The following SCHIP1 variants were observed in gnomAD, a reference collection of about 807,000 sequenced individuals.
SCHIP1 encodes the protein schwannomin interacting protein 1, also known as schwannomin-interacting protein 1.
A neutral mutation model predicts 29.7 loss-of-function variants in SCHIP1; 8 were observed. The observed-to-expected ratio is 0.27, with a 90% CI of 0.16 to 0.49. The LOEUF (loss-of-function observed/expected upper bound fraction) is 0.49. Among genes scored for constraint, SCHIP1 ranks in the 20% least tolerant of loss-of-function variants. SCHIP1 has a pLI of 0.99. For synonymous variants in SCHIP1, 76 were observed against 94.9 expected (o/e 0.80, Z 1.16); for missense variants, 193 against 294.6 (o/e 0.66, Z 2.52).
chr3:159,300,113 CTTTTTTTTT>C, the SCHIP1 span, among the ~76,000 whole-genome samples: 35 of 45,376 alleles, frequency 7.7e-4, 2 homozygotes, highest in Admixed American at 9.2e-4. Flanking sequence ...GGGAAAGCTG[CTTTTTTTTT>C]TTTTTTTTTT....
At chr3:159,786,296 A>G in the SCHIP1 span, among the ~76,000 whole-genome samples, 1 of 152,336 alleles carries the variant, frequency 6.6e-6, no homozygotes, top group South Asian at 2.1e-4. Flanking sequence ...GTTTTAATAG[A>G]CATTTCCTAA....
chr3:159,680,819 A>G, the SCHIP1 span, among the ~76,000 whole-genome samples: 1 of 138,748 alleles, frequency 7.2e-6, no homozygotes, highest in East Asian at 2.0e-4. Context: ...TTTTACCCAA[A>G]ATAGCATGAA....
the SCHIP1 span, among the ~76,000 whole-genome samples, chr3:159,475,605 G>A: frequency 1.2e-3 from 187 of 152,230 alleles, no homozygotes; most frequent in African/African-American, 4.4e-3. Context: ...TAAAAGTAAA[G>A]GCTTGGTGTG....
the SCHIP1 span, among the ~76,000 whole-genome samples, chr3:159,426,859 G>C: frequency 6.6e-6 from 1 of 152,154 alleles, no homozygotes. Context: ...TTTCATCTCT[G>C]GGATGCAAGG....
the SCHIP1 span, among the ~76,000 whole-genome samples, chr3:159,782,927 A>G: frequency 2.6e-5 from 4 of 152,228 alleles, no homozygotes; most frequent in African/African-American, 4.8e-5. Context: ...CTGAAATCAC[A>G]TCTAGCGATA....
chr3:159,569,989 A>G, the SCHIP1 span, among the ~76,000 whole-genome samples: 1 of 152,114 alleles, frequency 6.6e-6, no homozygotes, highest in Admixed American at 6.5e-5. Context: ...GTCTGTTCAT[A>G]TCCTTCGCCG....
the SCHIP1 span, among the ~76,000 whole-genome samples, chr3:159,605,972 G>A: frequency 3.4e-4 from 52 of 152,236 alleles, 2 homozygotes; most frequent in African/African-American, 1.2e-3. Flanking sequence ...GGACTCTGCG[G>A]CAGAAATCTT....
chr3:159,330,915 G>C, the SCHIP1 span, among the ~76,000 whole-genome samples: 7 of 152,016 alleles, frequency 4.6e-5, no homozygotes, highest in African/African-American at 1.7e-4. Context: ...AGGTGAGCTC[G>C]TTCCCTCCTT....
chr3:159,698,326 T>TC, the SCHIP1 span, among the ~76,000 whole-genome samples: 2 of 152,254 alleles, frequency 1.3e-5, no homozygotes, highest in African/African-American at 4.8e-5. Context: ...ATGTCTTTTT[T>TC]CCCCTCTTGA....
At chr3:159,509,376 A>G in the SCHIP1 span, among the ~76,000 whole-genome samples, 29 of 152,252 alleles carry the variant, frequency 1.9e-4, no homozygotes, top group South Asian at 4.6e-3. Flanking sequence ...CATGTGAGAT[A>G]GGTTTCCTGA....
the SCHIP1 span, among the ~76,000 whole-genome samples, chr3:159,685,823 G>A: frequency 6.6e-6 from 1 of 152,202 alleles, no homozygotes; most frequent in African/African-American, 2.4e-5. Context: ...TTCTCTCACT[G>A]AAAATTACTA....
the SCHIP1 span, among the ~76,000 whole-genome samples, chr3:159,493,547 G>T: frequency 3.3e-5 from 5 of 151,874 alleles, no homozygotes; most frequent in African/African-American, 9.7e-5. Context: ...AACAAGAAGA[G>T]CTAACTATCC....
the SCHIP1 span, among the ~76,000 whole-genome samples, chr3:159,612,947 G>A: frequency 6.6e-6 from 1 of 152,300 alleles, no homozygotes; most frequent in Admixed American, 6.5e-5. Context: ...TGATGAGGTA[G>A]ATAAGTATTA....
chr3:159,354,050 A>G, the SCHIP1 span, among the ~76,000 whole-genome samples: 29 of 152,298 alleles, frequency 1.9e-4, no homozygotes, highest in African/African-American at 7.0e-4. Context: ...ACGAACTGTT[A>G]CCACTAGAGT....
chr3:159,500,438 G>A, the SCHIP1 span, among the ~76,000 whole-genome samples: 76 of 152,270 alleles, frequency 5.0e-4, no homozygotes, highest in African/African-American at 1.6e-3. Flanking sequence ...ACCAGGCTGG[G>A]CATGTTGGCT....
chr3:159,387,993 G>C, the SCHIP1 span, among the ~76,000 whole-genome samples: 1 of 152,074 alleles, frequency 6.6e-6, no homozygotes, highest in Non-Finnish European at 1.5e-5. Context: ...AGAAACATAA[G>C]AAATTATTCA....
chr3:159,637,999 A>G, the SCHIP1 span, among the ~76,000 whole-genome samples: 10 of 152,336 alleles, frequency 6.6e-5, no homozygotes, highest in East Asian at 1.5e-3. Context: ...TTGTCTCTCC[A>G]TAACAGTTTT....
chr3:159,460,298 T>C, the SCHIP1 span, among the ~76,000 whole-genome samples: 1 of 152,062 alleles, frequency 6.6e-6, no homozygotes, highest in Non-Finnish European at 1.5e-5. Flanking sequence ...TGAGGGTGGG[T>C]GAGGTCAGTT....
the SCHIP1 span, among the ~76,000 whole-genome samples, chr3:159,428,373 A>T: frequency 4.0e-5 from 6 of 151,074 alleles, no homozygotes; most frequent in South Asian, 2.1e-4. Flanking sequence ...ACCCCATCAA[A>T]AAGTGGGCAA....
Sources: gnomAD v4.1 joint callset for allele counts (sites outside exome capture counted in the v4.1 genomes callset) on GRCh38, gnomAD v4.1.1 for gene constraint, MANE v1.5 for transcripts, NCBI Gene and HGNC (gene_info 2026-07-23, HGNC 2026-07-21) for gene names.